The following VPS13C variants were observed in gnomAD, a reference collection of about 807,000 sequenced individuals.
The protein encoded by VPS13C is vacuolar protein sorting 13 homolog C.
In VPS13C, 358 loss-of-function variants were observed where a neutral mutation model predicts 456.8. The observed-to-expected ratio is 0.78, with a 90% confidence interval of 0.72 to 0.86. The LOEUF is 0.86. VPS13C is among the 40% of genes least tolerant of loss of function. The pLI, the probability that VPS13C is intolerant of heterozygous loss-of-function variation, is 0.00. For synonymous variants in VPS13C, 1,578 were observed against 1,486.7 expected, an observed-to-expected ratio of 1.06 and a Z score of -1.41; for missense variants, 4,818 against 4,385.4, an observed-to-expected ratio of 1.10 and a Z score of -2.79.
chr15:61,979,061 G>T lies in VPS13C; in HGVS notation c.2167-312C>A, dbSNP rs116383748. On this transcript the variant is annotated intron_variant, in intron 22 of 84. Coordinates refer to ENST00000644861, the MANE Select transcript of VPS13C (RefSeq NM_020821.3). Reference sequence around the variant, plus strand: ...GGCTCTCAGGAATTATTGCCACTTAGAGTCCAGCTCCCCTGACCCCCACCC... The same window carrying T: ...GGCTCTCAGGAATTATTGCCACTTATAGTCCAGCTCCCCTGACCCCCACCC... Among the ~76,000 whole-genome samples the T allele has an allele frequency of 6.2e-3, 948 of 152,138 alleles. 12 individuals are homozygous for T. Among genetic ancestry groups the T allele is most frequent in the African/African-American group, 0.022 (906 of 41,488 alleles).
intron 51 of VPS13C, among the ~76,000 whole-genome samples, chr15:61,928,830 G>C (rs1057269028): frequency 6.6e-6 from 1 of 151,448 alleles, no homozygotes; most frequent in Admixed American, 6.6e-5. Context: ...ATTACAGTAA[G>C]CCAAGATTAC....
At chr15:61,906,941 G>C (rs1197118795) in intron 66 of VPS13C, 1 of 271,676 alleles carries the variant, frequency 3.7e-6, no homozygotes, top group Non-Finnish European at 7.1e-6. Flanking sequence ...AAGTGGCATA[G>C]GTATGTTCAA....
chr15:61,922,134 T>C (rs889038920), intron 54 of VPS13C, 101 bp from the exon 55 acceptor site: 18 of 1,277,806 alleles, frequency 1.4e-5, no homozygotes, highest in Non-Finnish European at 1.9e-5. Context: ...TTATATATCA[T>C]TAGCCATTTT....
rs747918755 is a variant in VPS13C at position 61,983,979 on chromosome 15, T to G, written c.1755A>C (p.Thr585=). The G allele has an allele frequency of 2.0e-5, 33 of 1,613,972 alleles. No individual in the cohort carries two copies. The highest frequency in any genetic ancestry group is 2.7e-5 in the Non-Finnish European group (32 of 1,179,990). The change falls in exon 20 of 85, where the codon ACA becomes ACC. Residue 585 remains threonine, a synonymous_variant. Transcript: ENST00000644861. ...VEAKLEHWYI[T]GLRQQDIVPS... The stretch of plus-strand genomic sequence containing the variant: ...GCACAATATCCTGCTGTCTCAAACC[T>G]GTTATATACCAGTGTTCTAATTTCG...
intron 66 of VPS13C, among the ~76,000 whole-genome samples, chr15:61,895,254 A>G (rs1038975696): frequency 5.3e-5 from 8 of 152,144 alleles, no homozygotes; most frequent in Non-Finnish European, 1.2e-4. Context: ...CCTATATCAA[A>G]AAAGTAGAAA....
chr15:61,966,771 T>C (rs2045388758), intron 29 of VPS13C, among the ~76,000 whole-genome samples: 1 of 151,988 alleles, frequency 6.6e-6, no homozygotes, highest in Admixed American at 6.6e-5. Context: ...AATCATTATT[T>C]ACTTGTGTTA....
chr15:61,999,738 C>A (rs1395204465), intron 16 of VPS13C, among the ~76,000 whole-genome samples: 1 of 149,732 alleles, frequency 6.7e-6, no homozygotes, highest in African/African-American at 2.5e-5. Flanking sequence ...CACAAGGCAT[C>A]AATAAATAAG....
At chr15:61,896,050 C>A (rs1302516057) in intron 66 of VPS13C, among the ~76,000 whole-genome samples, 1 of 152,068 alleles carries the variant, frequency 6.6e-6, no homozygotes, top group East Asian at 1.9e-4. Flanking sequence ...AGATATAGCA[C>A]AATATCATAA....
chr15:61,928,641 A>G (rs1032411868), intron 51 of VPS13C, among the ~76,000 whole-genome samples: 1 of 152,184 alleles, frequency 6.6e-6, no homozygotes, highest in African/African-American at 2.4e-5. Context: ...GCACTTGGGG[A>G]GGCAGAGGCG....
At chr15:61,989,145 C>T (rs28708564) in intron 18 of VPS13C, among the ~76,000 whole-genome samples, 10,987 of 151,390 alleles carry the variant, frequency 0.073, 802 homozygotes, top group African/African-American at 0.19. Flanking sequence ...AATCCCAGCA[C>T]TTTGGGAGGC....
At chr15:61,950,278 C>A in intron 41 of VPS13C, 80 bp downstream of exon 41, 1 of 1,030,464 alleles carries the variant, frequency 9.7e-7, no homozygotes. Context: ...TTAGAACTTA[C>A]AATCTCACAG....
intron 66 of VPS13C, among the ~76,000 whole-genome samples, chr15:61,896,581 C>T (rs1215644690): frequency 6.6e-6 from 1 of 152,270 alleles, no homozygotes; most frequent in South Asian, 2.1e-4. Context: ...TTATATCCCG[C>T]ACCTGGCTCG....
intron 15 of VPS13C, among the ~76,000 whole-genome samples, chr15:62,002,822 A>T (rs1342130748): frequency 2.0e-5 from 3 of 152,152 alleles, no homozygotes; most frequent in African/African-American, 7.2e-5. Flanking sequence ...CAAAGATCAG[A>T]TAGTTGTAGA....
In VPS13C at chr15:62,033,480, A is replaced by G. The variant is rs754390607; in HGVS notation, c.346T>C (p.Ser116Pro). 1.9e-6 allele frequency: 3 copies of G among 1,607,690 alleles called. No homozygotes were observed. The highest frequency in any genetic ancestry group is 2.5e-6 in the Non-Finnish European group (3 of 1,176,636). Residue 116 changes from serine (S) to proline (P), a missense_variant, in exon 5 of 85, where the codon TCC (serine) becomes CCC (proline). Ser to Pro is a moderately conservative substitution (Grantham distance 74). This residue lies in a region of VPS13C where 4,552 missense variants were observed against 4,130.6 expected (regional missense o/e 1.10). Transcript: ENST00000644861. ...TTTTGAAGGGCTTCTTCAATTCGGG[A>G]TAGCTCTTTCTGTTTAACATCCTGC... ...SLQDVKQKEL[S>P]RIEEALQKAA...
At chr15:62,037,235 T>A (rs71409107) in intron 3 of VPS13C, among the ~76,000 whole-genome samples, 1 of 55,154 alleles carries the variant, frequency 1.8e-5, no homozygotes, top group Admixed American at 3.9e-4. Flanking sequence ...ATATTATATA[T>A]AAATATATAT....
intron 9 of VPS13C, among the ~76,000 whole-genome samples, chr15:62,015,789 G>T (rs2047217977): frequency 4.3e-5 from 5 of 116,142 alleles, no homozygotes; most frequent in Admixed American, 3.5e-4. Context: ...GGTCGGGGGA[G>T]GGGGGAGGGG....
chr15:61,874,322 A>G (rs1895253221), intron 77 of VPS13C, among the ~76,000 whole-genome samples: 1 of 152,070 alleles, frequency 6.6e-6, no homozygotes, highest in Non-Finnish European at 1.5e-5. Context: ...AATAGCTAGA[A>G]GAGAGGGTCT....
At chr15:61,988,937 T>C (rs1024935758) in intron 18 of VPS13C, among the ~76,000 whole-genome samples, 9 of 152,012 alleles carry the variant, frequency 5.9e-5, no homozygotes, top group Non-Finnish European at 1.3e-4. Flanking sequence ...ATACATAAAG[T>C]AAGACAATAT....
chr15:61,873,988 C>T (rs1895226752), intron 77 of VPS13C, among the ~76,000 whole-genome samples: 1 of 143,550 alleles, frequency 7.0e-6, no homozygotes, highest in Admixed American at 7.0e-5. Context: ...AAACAGAATA[C>T]TACTCAGGCA....
Sources: allele counts gnomAD v4.1 joint callset (sites outside exome capture counted in the v4.1 genomes callset), GRCh38; gene constraint gnomAD v4.1.1; regional missense constraint gnomAD v4.1.1; transcripts MANE v1.5; gene names NCBI Gene and HGNC (gene_info 2026-07-23, HGNC 2026-07-21).